The following PID1 variants were observed in gnomAD, a reference collection of about 807,000 sequenced individuals.
PID1 encodes the protein PTB-containing, cubilin and LRP1-interacting protein.
In PID1, 10 loss-of-function variants were observed where a neutral mutation model predicts 19.1. That is an observed-to-expected ratio of 0.52 (90% CI 0.32 to 0.89). PID1 has a LOEUF of 0.89. PID1 is among the 40% of genes least tolerant of loss of function. The pLI, the probability that PID1 is intolerant of heterozygous loss-of-function variation, is 0.03. For missense variants in PID1, 248 were observed against 285.3 expected, an observed-to-expected ratio of 0.87 and a Z score of 0.94; for synonymous variants, 130 against 116.0, an observed-to-expected ratio of 1.12 and a Z score of -0.78.
intron 1 of PID1, among the ~76,000 whole-genome samples, chr2:229,186,032 G>A (rs968956308): frequency 3.9e-5 from 6 of 152,196 alleles, no homozygotes; most frequent in Admixed American, 6.5e-5. Context: ...GATACATACA[G>A]CCATTCCAAA....
At chr2:229,215,161 A>G (rs1332660012) in intron 1 of PID1, among the ~76,000 whole-genome samples, 4 of 152,250 alleles carry the variant, frequency 2.6e-5, no homozygotes, top group Non-Finnish European at 5.9e-5. Flanking sequence ...CTTGCCTGAT[A>G]CGATAGTTGG....
intron 2 of PID1, among the ~76,000 whole-genome samples, chr2:229,152,579 A>C (rs1348512974): frequency 6.6e-6 from 1 of 151,962 alleles, no homozygotes; most frequent in Admixed American, 6.6e-5. Context: ...AATCACACAC[A>C]GCGTCTGATA....
chr2:229,240,468 T>C (rs1394227835), intron 1 of PID1, among the ~76,000 whole-genome samples: 1 of 152,170 alleles, frequency 6.6e-6, no homozygotes, highest in Non-Finnish European at 1.5e-5. Flanking sequence ...CCATGGTGTA[T>C]CTCTCCTGGA....
intron 2 of PID1, among the ~76,000 whole-genome samples, chr2:229,123,137 CA>C (rs371225567): frequency 0.012 from 1,838 of 150,862 alleles, 31 homozygotes; most frequent in African/African-American, 0.041. Flanking sequence ...TCTATCACTC[CA>C]AAAAAAAACT....
chr2:229,233,215 AATATG>A, intron 1 of PID1, among the ~76,000 whole-genome samples: 1 of 152,326 alleles, frequency 6.6e-6, no homozygotes, highest in South Asian at 2.1e-4. Context: ...TTCATAATAT[AATATG>A]AATTATTCAA....
chr2:229,105,418 A>C (rs544040878), intron 2 of PID1, among the ~76,000 whole-genome samples: 1 of 152,378 alleles, frequency 6.6e-6, no homozygotes, highest in South Asian at 2.1e-4. Context: ...CTCAAGAGAG[A>C]AGGAAACAGT....
At chr2:229,230,844 T>C (rs1485337196) in intron 1 of PID1, among the ~76,000 whole-genome samples, 2 of 152,186 alleles carry the variant, frequency 1.3e-5, no homozygotes, top group Non-Finnish European at 2.9e-5. Flanking sequence ...TTTGTGTATA[T>C]ATAAACACAA....
At chr2:229,138,684 C>T (rs1211941518) in intron 2 of PID1, among the ~76,000 whole-genome samples, 1 of 152,126 alleles carries the variant, frequency 6.6e-6, no homozygotes, top group East Asian at 1.9e-4. Flanking sequence ...TGGGAGTCCA[C>T]ATAGTTTGAG....
chr2:229,146,497 T>A (rs13419933), intron 2 of PID1, among the ~76,000 whole-genome samples: 34,001 of 151,538 alleles, frequency 0.22, 4,126 homozygotes, highest in African/African-American at 0.28. Flanking sequence ...AGTAAATTTT[T>A]AAAAAAAAAT....
intron 1 of PID1, among the ~76,000 whole-genome samples, chr2:229,232,862 T>C (rs1198286532): frequency 6.7e-6 from 1 of 149,596 alleles, no homozygotes; most frequent in Non-Finnish European, 1.5e-5. Flanking sequence ...TTCACACTTA[T>C]AGGAAAGAAA....
chr2:229,194,879 C>A (rs10184838), intron 1 of PID1, among the ~76,000 whole-genome samples: 77,916 of 151,432 alleles, frequency 0.51, 20,319 homozygotes, highest in Admixed American at 0.59. Context: ...TATACCCATA[C>A]ACACACCCGA....
At chr2:229,270,204 G>C (rs1353172309) in intron 1 of PID1, among the ~76,000 whole-genome samples, 1 of 152,188 alleles carries the variant, frequency 6.6e-6, no homozygotes, top group Admixed American at 6.5e-5. Context: ...ATTTTATCTG[G>C]CAGAGTAGCT....
chr2:229,225,765 G>A (rs541025004), intron 1 of PID1, among the ~76,000 whole-genome samples: 7 of 152,238 alleles, frequency 4.6e-5, no homozygotes, highest in South Asian at 2.1e-4. Flanking sequence ...GTCCTTCTTC[G>A]CATGGTGACA....
intron 2 of PID1, among the ~76,000 whole-genome samples, chr2:229,149,411 T>C (rs975639709): frequency 3.3e-5 from 5 of 152,134 alleles, no homozygotes; most frequent in Non-Finnish European, 7.4e-5. Flanking sequence ...CAAGAGTCCT[T>C]ATCATGAGAT....
intron 1 of PID1, among the ~76,000 whole-genome samples, chr2:229,204,954 T>A (rs1469704157): frequency 6.6e-6 from 1 of 152,148 alleles, no homozygotes; most frequent in Non-Finnish European, 1.5e-5. Flanking sequence ...AAAAATGACT[T>A]TGGTATTTAC....
chr2:229,253,184 G>A (rs1199688590), intron 1 of PID1, among the ~76,000 whole-genome samples: 2 of 152,182 alleles, frequency 1.3e-5, no homozygotes, highest in East Asian at 1.9e-4. Context: ...GACAGACTAA[G>A]GCCATGTCTT....
chr2:229,185,020 ATGTATAC>A (rs1691093130), intron 1 of PID1, among the ~76,000 whole-genome samples: 1 of 145,136 alleles, frequency 6.9e-6, no homozygotes, highest in African/African-American at 2.5e-5. Flanking sequence ...TATATACTAT[ATGTATAC>A]TATATATCCT....
intron 2 of PID1, among the ~76,000 whole-genome samples, chr2:229,058,892 GA>G (rs1694156877): frequency 6.6e-6 from 1 of 152,148 alleles, no homozygotes; most frequent in African/African-American, 2.4e-5. Flanking sequence ...GAAGTCCGTG[GA>G]AAGTGAGGCA....
intron 1 of PID1, among the ~76,000 whole-genome samples, chr2:229,176,158 T>C (rs376795478): frequency 2.5e-4 from 1 of 3,996 alleles, no homozygotes; most frequent in Admixed American, 3.4e-3. Flanking sequence ...CCTTCAAAAA[T>C]TAAAAAAAAA....
Sources: gnomAD v4.1 joint callset for allele counts (sites outside exome capture counted in the v4.1 genomes callset) on GRCh38, gnomAD v4.1.1 for gene constraint, MANE v1.5 for transcripts, NCBI Gene and HGNC (gene_info 2026-07-23, HGNC 2026-07-21) for gene names.